EFR3B: variants seen among roughly 807,000 people sequenced by gnomAD.
The protein encoded by EFR3B is protein EFR3 homolog B.
In EFR3B, 64 loss-of-function variants were observed where a neutral mutation model predicts 104.7. The observed-to-expected ratio is 0.61, with a 90% CI of 0.50 to 0.75. The LOEUF (loss-of-function observed/expected upper bound fraction) is 0.75, where lower values mean the gene tolerates loss of function less well. EFR3B is among the 30% of genes least tolerant of loss of function. EFR3B has a pLI of 0.00. For synonymous variants in EFR3B, 385 were observed against 417.9 expected (o/e 0.92, Z 0.96); for missense variants, 750 against 1,078.5 (o/e 0.70, Z 4.27).
chr2:25,085,465 T>G (rs142310557), intron 1 of EFR3B, among the ~76,000 whole-genome samples: 2 of 152,178 alleles, frequency 1.3e-5, no homozygotes, highest in East Asian at 3.9e-4. Flanking sequence ...TCACAATGAT[T>G]TTATTTATTT....
intron 1 of EFR3B, among the ~76,000 whole-genome samples, chr2:25,077,655 G>A (rs565337005): frequency 1.1e-3 from 162 of 152,264 alleles, no homozygotes; most frequent in African/African-American, 3.8e-3. Flanking sequence ...ACACTATCCT[G>A]TAGGATCCCA....
intron 5 of EFR3B, among the ~76,000 whole-genome samples, chr2:25,127,185 C>T (rs1670190046): frequency 8.0e-6 from 1 of 125,428 alleles, no homozygotes; most frequent in Non-Finnish European, 1.6e-5. Flanking sequence ...GAGCCAGACT[C>T]CACCTCAAAA....
intron 1 of EFR3B, among the ~76,000 whole-genome samples, chr2:25,048,524 G>A (rs1465148514): frequency 6.6e-6 from 1 of 152,104 alleles, no homozygotes; most frequent in Non-Finnish European, 1.5e-5. Flanking sequence ...TGTGAACTTC[G>A]GAATTTTTCC....
intron 19 of EFR3B, 182 bp downstream of exon 19, chr2:25,145,233 T>C (rs190831459): frequency 3.2e-6 from 2 of 619,764 alleles, no homozygotes; most frequent in East Asian, 5.5e-5. Flanking sequence ...TCGGAAAAAT[T>C]GTTAGGGTCC....
At chr2:25,080,141 A>G in intron 1 of EFR3B, 4 of 1,181,210 alleles carry the variant, frequency 3.4e-6, no homozygotes, top group Non-Finnish European at 5.1e-6. Flanking sequence ...ATAACATCAC[A>G]GTGCATGATT....
chr2:25,125,112 G>A (rs909507072), intron 5 of EFR3B, among the ~76,000 whole-genome samples: 1 of 152,158 alleles, frequency 6.6e-6, no homozygotes, highest in Admixed American at 6.6e-5. Context: ...CCCCCTCCAG[G>A]CCTGATCTTT....
chr2:25,076,429 C>A, intron 1 of EFR3B, among the ~76,000 whole-genome samples: 1 of 152,092 alleles, frequency 6.6e-6, no homozygotes, highest in South Asian at 2.1e-4. Flanking sequence ...GTAAGAACTT[C>A]ACTCTGTTAA....
intron 4 of EFR3B, among the ~76,000 whole-genome samples, chr2:25,109,997 G>A (rs76658250): frequency 5.3e-5 from 8 of 152,202 alleles, no homozygotes; most frequent in Middle Eastern, 3.4e-3. Context: ...CAGCAGGTTG[G>A]GGGGAGGGCG....
In EFR3B at chr2:25,157,801, CTCTT is replaced by C. The variant is rs931997672; in HGVS notation, c.*3463_*3466del. The C allele has an allele frequency of 5.9e-5, 9 of 152,268 alleles. No homozygotes were observed. The highest frequency in any genetic ancestry group is 1.9e-4 in the African/African-American group (8 of 41,454). The allele number at this position is 152,268 out of a possible 1,614,324, so 9.4% of individuals were successfully genotyped here. A position where few individuals can be genotyped will look rare whatever the true frequency, so the allele number is the denominator to read the frequency against. Reference sequence around the variant, plus strand: ...CTTGTGCCTGTTTCCATTTCCCTCTCTCTTTGAAAAGTAGAAATCAGTGGTTTCT... The same window carrying C: ...CTTGTGCCTGTTTCCATTTCCCTCTCTGAAAAGTAGAAATCAGTGGTTTCT... On this transcript the variant is annotated 3_prime_UTR_variant, in exon 23 of 23. Transcript: ENST00000403714.
At chr2:25,049,731 G>C (rs771584841) in intron 1 of EFR3B, among the ~76,000 whole-genome samples, 35 of 152,246 alleles carry the variant, frequency 2.3e-4, no homozygotes, top group Middle Eastern at 6.8e-3. Flanking sequence ...GGAAGTGTGC[G>C]TGGAGGTGGG....
chr2:25,051,314 C>G (rs1667862129), intron 1 of EFR3B, among the ~76,000 whole-genome samples: 1 of 151,848 alleles, frequency 6.6e-6, no homozygotes. Context: ...GGGGTTTCAC[C>G]CTGTTGGCCA....
At chr2:25,133,289 C>T in intron 11 of EFR3B, 94 bp from the exon 12 acceptor site, 1 of 1,352,854 alleles carries the variant, frequency 7.4e-7, no homozygotes, top group Non-Finnish European at 1.0e-6. Context: ...CGATAAGCCT[C>T]ATGGAGAAAC....
Position 25,137,365 on chromosome 2 carries a change from A to C in EFR3B, c.1585A>C (p.Ile529Leu). The C allele has an allele frequency of 1.3e-6, 2 of 1,552,106 alleles. No individual in the cohort carries two copies. The highest frequency in any genetic ancestry group is 1.7e-6 in the Non-Finnish European group (2 of 1,147,104). The change falls in exon 15 of 23, where the codon ATC becomes CTC. Residue 529 changes from isoleucine (I) to leucine (L), a missense_variant. Physicochemically the swap from Ile to Leu is conservative, Grantham distance 5. Coordinates refer to ENST00000403714, the MANE Select transcript of EFR3B (RefSeq NM_014971.2). This position sits in a 1 kb window ranked among gnomAD's most constrained non-coding sequence, Gnocchi z 4.7. The stretch of plus-strand genomic sequence containing the variant: ...GCACTCCCAGCAGCTCTACAGACAC[A>C]TCTACCTGAGCTGCAAGGAGGAAAC... ...KKHSQQLYRHIYLSCKEETNV... is the reference protein window; with the variant it reads ...KKHSQQLYRHLYLSCKEETNV...
At chr2:25,084,639 A>G (rs1452576933) in intron 1 of EFR3B, among the ~76,000 whole-genome samples, 1 of 152,190 alleles carries the variant, frequency 6.6e-6, no homozygotes, top group East Asian at 1.9e-4. Context: ...TGGTTGAGGC[A>G]TGGTTTGGTT....
chr2:25,145,306 TCA>T (rs549281921), intron 19 of EFR3B: 111 of 546,126 alleles, frequency 2.0e-4, no homozygotes, highest in African/African-American at 2.0e-3. Context: ...GGATGGTGGC[TCA>T]CACCTGTGAT....
chr2:25,137,286 G>A lies in EFR3B; in HGVS notation c.1561-55G>A. On this transcript the variant is annotated intron_variant, in intron 14 of 22. Coordinates refer to ENST00000403714, the MANE Select transcript of EFR3B (RefSeq NM_014971.2). This position sits in a 1 kb window ranked among gnomAD's most constrained non-coding sequence, Gnocchi z 4.7. ...ATTGGTCTTCCTCCGTGTTCTCCTT[G>A]CCCCTCCTGTCCCCATCCCTCCGAC... 6.5e-7 allele frequency: 1 copy of A among 1,539,154 alleles called. No individual in the cohort carries two copies. The highest frequency in any genetic ancestry group is 8.8e-7 in the Non-Finnish European group (1 of 1,138,814).
chr2:25,042,527 A>T lies in EFR3B; in HGVS notation c.7+208A>T, dbSNP rs1016495489. ...GGCCGGGGACCCTGGGGTCCTCTCC[A>T]GGCCCGGCGCGTGCCGGTGCTGGGC... On this transcript the variant is annotated intron_variant, in intron 1 of 22. Coordinates refer to ENST00000403714, the MANE Select transcript of EFR3B (RefSeq NM_014971.2). This position sits in a 1 kb window ranked among gnomAD's most constrained non-coding sequence, Gnocchi z 5.4. 12 of 1,206,086 alleles carry T rather than the reference A, an allele frequency of 9.9e-6. No individual in the cohort carries two copies. In the African/African-American group the frequency reaches 1.9e-4, roughly 19 times the overall value. 74.7% of individuals were successfully genotyped at this position (1,206,086 alleles called of 1,614,324 possible).
chr2:25,077,794 G>A (rs1410809514), intron 1 of EFR3B, among the ~76,000 whole-genome samples: 1 of 151,830 alleles, frequency 6.6e-6, no homozygotes, highest in Admixed American at 6.6e-5. Flanking sequence ...TTTTTCCCCC[G>A]TTTTATAAAT....
intron 4 of EFR3B, among the ~76,000 whole-genome samples, chr2:25,115,566 C>T (rs1379135725): frequency 6.6e-6 from 1 of 152,214 alleles, no homozygotes; most frequent in Admixed American, 6.5e-5. Context: ...CCATCTTAAT[C>T]CCTGGAACCT....
Sources: allele counts gnomAD v4.1 joint callset (sites outside exome capture counted in the v4.1 genomes callset), GRCh38; gene constraint gnomAD v4.1.1; non-coding constraint Gnocchi (gnomAD v3.1); transcripts MANE v1.5; gene names NCBI Gene and HGNC (gene_info 2026-07-23, HGNC 2026-07-21).